Variants in PTER observed in about 807,000 individuals in gnomAD.
The protein encoded by PTER is N-acetyltaurine hydrolase.
Under a neutral mutation model 29.6 loss-of-function variants are expected in PTER, and 38 were observed. That is an observed-to-expected ratio of 1.28 (90% CI 0.99 to 1.68). The LOEUF (loss-of-function observed/expected upper bound fraction) is 1.68. Ranked by LOEUF, PTER falls within the 40% of genes most tolerant of loss-of-function variation. The pLI, the probability that PTER is intolerant of heterozygous loss-of-function variation, is 0.00. For synonymous variants in PTER, 172 were observed against 154.5 expected, an observed-to-expected ratio of 1.11 and a Z score of -0.84; for missense variants, 482 against 427.8, an observed-to-expected ratio of 1.13 and a Z score of -1.12.
rs1451416672 is a variant in PTER at position 16,458,403 on chromosome 10, ATAT to A, written c.-49+21360_-49+21362del. On this transcript the variant is annotated intron_variant, in intron 1 of 4. Coordinates refer to ENST00000535784, the MANE Select transcript of PTER (RefSeq NM_001261836.2). ...GGGGGACTGTGCTTATGCGATTATG[ATAT>A]TATAGTGATGGGCGATTACCATAGG... 2.6e-5 allele frequency among the ~76,000 whole-genome samples: 4 copies of A among 152,312 alleles called. No homozygotes were observed. In the East Asian group the frequency reaches 5.8e-4, roughly 22 times the overall value.
chr10:16,458,913 A>C (rs1484738467), intron 1 of PTER, among the ~76,000 whole-genome samples: 1 of 152,234 alleles, frequency 6.6e-6, no homozygotes, highest in Non-Finnish European at 1.5e-5. Flanking sequence ...CCCTCAATAC[A>C]AGAGACTAAA....
At chr10:16,447,960 T>A (rs1447651088) in intron 1 of PTER, among the ~76,000 whole-genome samples, 1 of 152,156 alleles carries the variant, frequency 6.6e-6, no homozygotes, top group African/African-American at 2.4e-5. Flanking sequence ...ATATACCACT[T>A]CCATTTGATG....
chr10:16,494,000 A>G (rs1023277528), intron 3 of PTER, among the ~76,000 whole-genome samples: 48 of 152,140 alleles, frequency 3.2e-4, no homozygotes, highest in African/African-American at 1.1e-3. Context: ...TTTTTTTTCT[A>G]AAGCAATTTT....
chr10:16,503,683 G>C (rs1370396120), intron 3 of PTER, among the ~76,000 whole-genome samples: 4 of 151,926 alleles, frequency 2.6e-5, no homozygotes, highest in African/African-American at 9.7e-5. Context: ...TGGGATTACA[G>C]GTGTGAGCCA....
downstream of PTER, chr10:16,514,687 G>A (rs773433390): frequency 6.8e-6 from 11 of 1,613,314 alleles, no homozygotes; most frequent in Non-Finnish European, 9.3e-6. Flanking sequence ...CAGCATCTTG[G>A]GCAATTGCAC....
chr10:16,445,615 T>C (rs534573159), intron 1 of PTER, among the ~76,000 whole-genome samples: 3 of 152,264 alleles, frequency 2.0e-5, no homozygotes, highest in South Asian at 2.1e-4. Context: ...GTCTCCAAGC[T>C]CAGTCTTTGA....
Position 16,484,435 on chromosome 10 carries a change from A to G in PTER, c.51A>G (p.Pro17=). 2 of 1,612,832 alleles carry G rather than the reference A, an allele frequency of 1.2e-6. No individual in the cohort carries two copies. Among genetic ancestry groups the G allele is most frequent in the Non-Finnish European group, 1.7e-6 (2 of 1,179,742 alleles). ...KVQTVLGLVE[P]SKLGRTLTHE... is the part of the protein sequence containing the mutation. ...AAACCGTTTTGGGCCTTGTAGAGCC[A>G]AGCAAACTGGGCCGTACCCTGACCC... Residue 17 remains proline, a synonymous_variant, in exon 2 of 5, where the codon CCA becomes CCG. Coordinates refer to ENST00000535784, the MANE Select transcript of PTER (RefSeq NM_001261836.2).
At chr10:16,457,508 C>T (rs1333321660) in intron 1 of PTER, among the ~76,000 whole-genome samples, 1 of 151,874 alleles carries the variant, frequency 6.6e-6, no homozygotes, top group African/African-American at 2.4e-5. Flanking sequence ...CCACTGTGCC[C>T]GGCCCCTTTA....
chr10:16,452,705 C>G lies in PTER; in HGVS notation c.-49+15658C>G, dbSNP rs1326176319. ...CTCCTTCTCCTTCTCCTTCTCCTTC[C>G]TTTTCCTCTTCCTCTTCTTCTTCTA... On this transcript the variant is annotated intron_variant, in intron 1 of 4. Coordinates refer to ENST00000535784, the MANE Select transcript of PTER (RefSeq NM_001261836.2). 3.3e-5 allele frequency among the ~76,000 whole-genome samples: 5 copies of G among 151,692 alleles called. No homozygotes were observed. In the East Asian group the frequency reaches 9.7e-4, roughly 29 times the overall value.
At chr10:16,502,988 CAAAAAAA>C (rs61446204) in intron 3 of PTER, among the ~76,000 whole-genome samples, 1 of 41,358 alleles carries the variant, frequency 2.4e-5, no homozygotes, top group East Asian at 8.5e-4. Flanking sequence ...GACTCTGTCT[CAAAAAAA>C]AAAAAAAAAA....
At chr10:16,451,247 T>C (rs1400248869) in intron 1 of PTER, among the ~76,000 whole-genome samples, 1 of 152,178 alleles carries the variant, frequency 6.6e-6, no homozygotes, top group Non-Finnish European at 1.5e-5. Context: ...TGGCAGCTGA[T>C]TAGATGGTGC....
chr10:16,464,438 G>T (rs542918938), intron 1 of PTER, among the ~76,000 whole-genome samples: 9 of 152,290 alleles, frequency 5.9e-5, no homozygotes, highest in South Asian at 4.1e-4. Flanking sequence ...ACTTTTGTAA[G>T]TTGGAGCAGG....
intron 1 of PTER, among the ~76,000 whole-genome samples, chr10:16,437,958 G>A (rs888929919): frequency 1.3e-5 from 2 of 152,190 alleles, no homozygotes; most frequent in Non-Finnish European, 2.9e-5. Flanking sequence ...AGAAAGAGTA[G>A]AGCCCTATTC....
chr10:16,464,099 C>T (rs1486141158), intron 1 of PTER, among the ~76,000 whole-genome samples: 1 of 152,142 alleles, frequency 6.6e-6, no homozygotes, highest in Non-Finnish European at 1.5e-5. Context: ...CAGAGAAACA[C>T]ACAGCATTAT....
At chr10:16,442,800 C>T (rs771731950) in intron 1 of PTER, among the ~76,000 whole-genome samples, 35 of 152,104 alleles carry the variant, frequency 2.3e-4, no homozygotes, top group Non-Finnish European at 4.4e-4. Flanking sequence ...GCCAACATGG[C>T]GAAACCCCAT....
intron 1 of PTER, among the ~76,000 whole-genome samples, chr10:16,455,258 A>G (rs746245435): frequency 7.9e-5 from 12 of 152,102 alleles, no homozygotes; most frequent in Non-Finnish European, 1.5e-4. Flanking sequence ...ATGAATAAGC[A>G]GAGCTGTTCT....
At chr10:16,508,288 T>C (rs1836668362) in intron 4 of PTER, among the ~76,000 whole-genome samples, 1 of 152,140 alleles carries the variant, frequency 6.6e-6, no homozygotes, top group Non-Finnish European at 1.5e-5. Flanking sequence ...CAGGATGGTC[T>C]TGATCTCCTG....
At chr10:16,501,367 ACATG>A (rs776986500) in intron 3 of PTER, among the ~76,000 whole-genome samples, 61 of 42,518 alleles carry the variant, frequency 1.4e-3, no homozygotes, top group East Asian at 7.6e-3. Flanking sequence ...ACACACACAC[ACATG>A]CACACACACA....
Position 16,486,490 on chromosome 10 carries a change from C to G in PTER, c.571C>G (p.Gln191Glu). ...RKVLQATAHA[Q>E]AQLGCPVIIH... is the part of the protein sequence containing the mutation. ...GGTTCTCCAGGCCACAGCTCATGCC[C>G]AGGCTCAGCTTGGTTGTCCTGTTAT... is the stretch of plus-strand genomic sequence containing the variant. Residue 191 changes from glutamine to glutamate, a missense_variant, in exon 3 of 5, where the codon CAG becomes GAG. Transcript: ENST00000535784. 1 of 1,614,060 alleles carries G rather than the reference C, an allele frequency of 6.2e-7. No individual in the cohort carries two copies. The highest frequency in any genetic ancestry group is 8.5e-7 in the Non-Finnish European group (1 of 1,179,976).
Sources: allele counts gnomAD v4.1 joint callset (sites outside exome capture counted in the v4.1 genomes callset), GRCh38; gene constraint gnomAD v4.1.1; transcripts MANE v1.5; gene names NCBI Gene and HGNC (gene_info 2026-07-23, HGNC 2026-07-21).